The following CACNA2D3 variants were observed in gnomAD, a reference collection of about 807,000 sequenced individuals.
CACNA2D3 encodes the protein calcium voltage-gated channel auxiliary subunit alpha2delta 3.
CACNA2D3 carries 60 observed loss-of-function variants against 160.6 expected under a neutral mutation model. That is an observed-to-expected ratio of 0.37 (90% CI 0.30 to 0.46). CACNA2D3 has a LOEUF of 0.46. CACNA2D3 is among the 20% of genes least tolerant of loss of function. The probability of loss-of-function intolerance (pLI) is 1.00; values close to 1 mark genes in which losing one functional copy is unlikely to be tolerated. For missense variants in CACNA2D3, 1,205 were observed against 1,365.0 expected, an observed-to-expected ratio of 0.88 and a Z score of 1.85; for synonymous variants, 558 against 492.9, an observed-to-expected ratio of 1.13 and a Z score of -1.75.
At chr3:54,558,275 C>T (rs938532255) in intron 5 of CACNA2D3, among the ~76,000 whole-genome samples, 4 of 152,186 alleles carry the variant, frequency 2.6e-5, no homozygotes, top group African/African-American at 9.6e-5. Flanking sequence ...ACTTGGCATC[C>T]AGCAGGGATC....
chr3:54,894,841 A>G (rs1700152119), intron 25 of CACNA2D3: 2 of 361,180 alleles, frequency 5.5e-6, no homozygotes, highest in South Asian at 2.1e-5. Context: ...ACTGAATACA[A>G]GCAGCACAAA....
At chr3:54,382,516 C>T (rs1442673367) in intron 3 of CACNA2D3, among the ~76,000 whole-genome samples, 1 of 152,238 alleles carries the variant, frequency 6.6e-6, no homozygotes. Context: ...GGTGCAGTGA[C>T]TCACGCCTGT....
At chr3:54,561,731 A>G (rs149275123) in intron 5 of CACNA2D3, among the ~76,000 whole-genome samples, 295 of 152,366 alleles carry the variant, frequency 1.9e-3, no homozygotes, top group African/African-American at 6.4e-3. Context: ...GCAGAAGAGC[A>G]AATGATTGCC....
At chr3:54,464,340 TG>T (rs1700570601) in intron 4 of CACNA2D3, among the ~76,000 whole-genome samples, 1 of 152,106 alleles carries the variant, frequency 6.6e-6, no homozygotes, top group Non-Finnish European at 1.5e-5. Context: ...CAGAGGTTAC[TG>T]CTGTCTTTTT....
intron 2 of CACNA2D3, among the ~76,000 whole-genome samples, chr3:54,239,922 A>C (rs113775841): frequency 1.3e-5 from 2 of 152,240 alleles, no homozygotes; most frequent in African/African-American, 4.8e-5. Flanking sequence ...ATCACTTTAC[A>C]CTAGGCTAGA....
intron 27 of CACNA2D3, chr3:54,925,365 T>G (rs191828257): frequency 1.7e-4 from 111 of 648,760 alleles, no homozygotes; most frequent in Non-Finnish European, 2.6e-4. Context: ...TCACCGTCTT[T>G]AGTAGAGCCA....
At chr3:54,291,115 G>A (rs564841159) in intron 2 of CACNA2D3, among the ~76,000 whole-genome samples, 1 of 152,292 alleles carries the variant, frequency 6.6e-6, no homozygotes, top group East Asian at 1.9e-4. Context: ...CATCGTGGCA[G>A]GTTGCATACC....
chr3:54,424,162 G>T (rs2106757603), intron 4 of CACNA2D3, among the ~76,000 whole-genome samples: 1 of 152,222 alleles, frequency 6.6e-6, no homozygotes, highest in Middle Eastern at 3.4e-3. Flanking sequence ...AATAATTTTT[G>T]AACAAGGGGC....
chr3:54,387,309 C>T (rs1319646677), intron 4 of CACNA2D3, among the ~76,000 whole-genome samples: 3 of 152,098 alleles, frequency 2.0e-5, no homozygotes, highest in Non-Finnish European at 4.4e-5. Context: ...ATTTTGATGT[C>T]GATGTGTATA....
chr3:54,466,503 C>T (rs1700629551), intron 4 of CACNA2D3, among the ~76,000 whole-genome samples: 2 of 152,144 alleles, frequency 1.3e-5, no homozygotes, highest in South Asian at 4.1e-4. Context: ...GGAAAATTTG[C>T]TGATCCGAGC....
At chr3:54,349,298 G>T (rs1293005754) in intron 3 of CACNA2D3, among the ~76,000 whole-genome samples, 1 of 152,188 alleles carries the variant, frequency 6.6e-6, no homozygotes, top group Non-Finnish European at 1.5e-5. Flanking sequence ...ACTGTGGATT[G>T]CATGCATCCT....
At chr3:54,440,095 C>G (rs1400172067) in intron 4 of CACNA2D3, among the ~76,000 whole-genome samples, 1 of 152,136 alleles carries the variant, frequency 6.6e-6, no homozygotes, top group Admixed American at 6.5e-5. Flanking sequence ...ACACCTTTAC[C>G]CACTCCTTGA....
chr3:54,216,997 C>T (rs1404183631), intron 2 of CACNA2D3, among the ~76,000 whole-genome samples: 1 of 152,144 alleles, frequency 6.6e-6, no homozygotes, highest in Non-Finnish European at 1.5e-5. Context: ...AGAAGGTAAA[C>T]TGAGGCAGCG....
chr3:54,995,019 G>T (rs1397848628), intron 31 of CACNA2D3, among the ~76,000 whole-genome samples: 1 of 151,990 alleles, frequency 6.6e-6, no homozygotes, highest in Non-Finnish European at 1.5e-5. Flanking sequence ...TGTCACCCAG[G>T]CTGGAGTGCA....
intron 2 of CACNA2D3, among the ~76,000 whole-genome samples, chr3:54,179,300 G>T (rs1336227051): frequency 6.6e-6 from 1 of 152,210 alleles, no homozygotes; most frequent in Non-Finnish European, 1.5e-5. Context: ...TTACTGACAT[G>T]CAGAAGGATC....
intron 3 of CACNA2D3, among the ~76,000 whole-genome samples, chr3:54,351,062 A>G (rs931964646): frequency 2.2e-5 from 3 of 136,522 alleles, no homozygotes; most frequent in African/African-American, 5.6e-5. Context: ...GCTCACTGCA[A>G]CCTCCACCTC....
chr3:54,169,660 TGC>T (rs71617791), intron 2 of CACNA2D3, among the ~76,000 whole-genome samples: 4,697 of 151,492 alleles, frequency 0.031, 112 homozygotes, highest in Admixed American at 0.055. Flanking sequence ...TGCATGTGTG[TGC>T]GTGCGTGCTT....
intron 27 of CACNA2D3, among the ~76,000 whole-genome samples, chr3:54,944,218 A>G (rs1701550646): frequency 6.6e-6 from 1 of 152,134 alleles, no homozygotes; most frequent in South Asian, 2.1e-4. Flanking sequence ...CATTGTGCTG[A>G]GGACCTGCGA....
At chr3:54,578,321 G>A (rs929421429) in intron 8 of CACNA2D3, among the ~76,000 whole-genome samples, 6 of 152,242 alleles carry the variant, frequency 3.9e-5, no homozygotes, top group African/African-American at 1.4e-4. Context: ...CTTAGGGCAA[G>A]AGGTGACCAA....
Sources: allele counts gnomAD v4.1 joint callset (sites outside exome capture counted in the v4.1 genomes callset), GRCh38; gene constraint gnomAD v4.1.1; transcripts MANE v1.5; gene names NCBI Gene and HGNC (gene_info 2026-07-23, HGNC 2026-07-21).